Variants in GABRB1 observed in about 807,000 individuals in gnomAD.
GABRB1 encodes gamma-aminobutyric acid type A receptor subunit beta1, also known as gamma-aminobutyric acid receptor subunit beta-1.
Under a neutral mutation model 51.6 loss-of-function variants are expected in GABRB1, and 17 were observed. That is an observed-to-expected ratio of 0.33 (90% CI 0.23 to 0.49). The LOEUF (loss-of-function observed/expected upper bound fraction) is 0.49, where lower values mean the gene tolerates loss of function less well. GABRB1 is among the 20% of genes least tolerant of loss of function. The pLI is 0.99. For missense variants in GABRB1, 410 were observed against 600.6 expected (o/e 0.68, Z 3.32); for synonymous variants, 247 against 218.9 (o/e 1.13, Z -1.14).
intron 5 of GABRB1, among the ~76,000 whole-genome samples, chr4:47,402,484 A>T (rs1728428885): frequency 6.6e-6 from 1 of 152,226 alleles, no homozygotes; most frequent in South Asian, 2.1e-4. Flanking sequence ...TTAGATTTTT[A>T]AAATGTATCT....
chr4:47,313,822 G>A (rs2109955896), intron 4 of GABRB1, among the ~76,000 whole-genome samples: 1 of 152,070 alleles, frequency 6.6e-6, no homozygotes, highest in Non-Finnish European at 1.5e-5. Flanking sequence ...CCTTCTCAGA[G>A]AGTCCTGTGG....
At chr4:47,085,826 T>C (rs1374955550) in intron 3 of GABRB1, among the ~76,000 whole-genome samples, 1 of 152,150 alleles carries the variant, frequency 6.6e-6, no homozygotes, top group Non-Finnish European at 1.5e-5. Context: ...GGCTGTGCCC[T>C]GTCACCTCCA....
intron 4 of GABRB1, among the ~76,000 whole-genome samples, chr4:47,265,273 C>T (rs567293603): frequency 2.0e-5 from 3 of 152,184 alleles, no homozygotes; most frequent in East Asian, 1.9e-4. Flanking sequence ...TGCTGAAAGA[C>T]ATATTTCATT....
At chr4:47,262,660 A>G (rs957042992) in intron 4 of GABRB1, among the ~76,000 whole-genome samples, 5 of 152,308 alleles carry the variant, frequency 3.3e-5, no homozygotes, top group African/African-American at 9.6e-5. Flanking sequence ...TCTGGAACTA[A>G]AAATACCATT....
rs544342663 is a variant in GABRB1 at position 47,148,280 on chromosome 4, T to C, written c.241-12969T>C. Among the ~76,000 whole-genome samples, 7 of 152,034 alleles carry C rather than the reference T, an allele frequency of 4.6e-5. 1 individual carries two copies. The South Asian group carries it at 1.5e-3, about 32-fold the overall frequency. ...ATGGAGGACCCGATTTAAAGGTGGG[T>C]GGGCATAATTCTATTTTGGGCCAGA... On this transcript the variant is annotated intron_variant, in intron 3 of 8. Coordinates refer to ENST00000295454, the MANE Select transcript of GABRB1 (RefSeq NM_000812.4).
intron 4 of GABRB1, among the ~76,000 whole-genome samples, chr4:47,187,561 C>A (rs1393133049): frequency 6.6e-6 from 1 of 151,792 alleles, no homozygotes; most frequent in Non-Finnish European, 1.5e-5. Flanking sequence ...CAGACGTGCA[C>A]AATTTAGCGT....
At position 47,237,099 on chromosome 4, in the gene GABRB1, A is replaced by G. The variant is rs187246190; in HGVS notation, c.461+75630A>G. 2.5e-3 allele frequency among the ~76,000 whole-genome samples: 381 copies of G among 152,170 alleles called. 1 individual carries two copies. The highest frequency in any genetic ancestry group is 2.0e-3 in the Non-Finnish European group (134 of 67,904). On this transcript the variant is annotated intron_variant, in intron 4 of 8. Transcript: ENST00000295454. Reference sequence around the variant, plus strand: ...AGCATAAAAATATTTGAATTTTTATATAATAGCAATACATAGCCATAACAA... The same window carrying G: ...AGCATAAAAATATTTGAATTTTTATGTAATAGCAATACATAGCCATAACAA...
intron 4 of GABRB1, among the ~76,000 whole-genome samples, chr4:47,225,273 G>A (rs772339685): frequency 1.4e-4 from 22 of 152,098 alleles, no homozygotes; most frequent in African/African-American, 3.9e-4. Context: ...AGTCCATGCC[G>A]CGGAATTATA....
At chr4:47,162,507 G>T (rs958977746) in intron 4 of GABRB1, among the ~76,000 whole-genome samples, 1 of 151,934 alleles carries the variant, frequency 6.6e-6, no homozygotes, top group Non-Finnish European at 1.5e-5. Flanking sequence ...AGATTACAGA[G>T]TCTCACTTCA....
chr4:47,114,839 A>C (rs1715395639), intron 3 of GABRB1, among the ~76,000 whole-genome samples: 1 of 152,164 alleles, frequency 6.6e-6, no homozygotes, highest in African/African-American at 2.4e-5. Context: ...TATAAACCAA[A>C]CATGGCTACT....
chr4:47,286,578 T>A (rs745433907), intron 4 of GABRB1, among the ~76,000 whole-genome samples: 1 of 119,080 alleles, frequency 8.4e-6, no homozygotes, highest in Admixed American at 8.8e-5. Flanking sequence ...TATTCAACTG[T>A]GCTAAAAAGA....
intron 5 of GABRB1, among the ~76,000 whole-genome samples, chr4:47,384,715 C>T (rs755421571): frequency 6.6e-6 from 1 of 152,152 alleles, no homozygotes; most frequent in African/African-American, 2.4e-5. Flanking sequence ...ATAAGTGCCT[C>T]TGTTTCTATT....
chr4:47,019,852 C>A (rs1366405995), intron 1 of GABRB1, among the ~76,000 whole-genome samples: 1 of 146,660 alleles, frequency 6.8e-6, no homozygotes, highest in Non-Finnish European at 1.5e-5. Flanking sequence ...AAAACAGGCA[C>A]ATGCCACCAC....
At chr4:47,121,943 T>C (rs1248303954) in intron 3 of GABRB1, among the ~76,000 whole-genome samples, 2 of 152,288 alleles carry the variant, frequency 1.3e-5, no homozygotes, top group Admixed American at 6.5e-5. Context: ...AGTTAAATAA[T>C]ATTAATTTGT....
At chr4:47,034,456 T>C (rs1489466150) in intron 3 of GABRB1, among the ~76,000 whole-genome samples, 1 of 152,198 alleles carries the variant, frequency 6.6e-6, no homozygotes, top group Non-Finnish European at 1.5e-5. Flanking sequence ...CAGCAACACG[T>C]GTGTATGCAC....
At chr4:47,162,889 T>C (rs1370661766) in intron 4 of GABRB1, among the ~76,000 whole-genome samples, 1 of 152,078 alleles carries the variant, frequency 6.6e-6, no homozygotes, top group Non-Finnish European at 1.5e-5. Context: ...TCATCTATCA[T>C]CTATGCCCTA....
intron 4 of GABRB1, among the ~76,000 whole-genome samples, chr4:47,199,804 A>G (rs1388756179): frequency 6.6e-6 from 1 of 152,170 alleles, no homozygotes; most frequent in East Asian, 1.9e-4. Context: ...TGTTGGAAGA[A>G]TGATACAAAA....
chr4:47,135,404 A>C (rs745562002), intron 3 of GABRB1, among the ~76,000 whole-genome samples: 3 of 152,132 alleles, frequency 2.0e-5, no homozygotes, highest in Non-Finnish European at 4.4e-5. Flanking sequence ...CTTCCACGGA[A>C]AGCAGAGACA....
At chr4:47,298,047 A>G (rs1724082238) in intron 4 of GABRB1, among the ~76,000 whole-genome samples, 2 of 152,314 alleles carry the variant, frequency 1.3e-5, no homozygotes, top group South Asian at 4.1e-4. Context: ...ACAACGCTTC[A>G]TGCTAAAAAC....
Sources: gnomAD v4.1 joint callset for allele counts (sites outside exome capture counted in the v4.1 genomes callset) on GRCh38, gnomAD v4.1.1 for gene constraint, MANE v1.5 for transcripts, NCBI Gene and HGNC (gene_info 2026-07-23, HGNC 2026-07-21) for gene names.